Variants in KHDRBS2 observed in about 807,000 individuals in gnomAD.
The protein encoded by KHDRBS2 is KH RNA binding domain containing, signal transduction associated 2, also known as KH domain-containing, RNA-binding, signal transduction-associated protein 2.
KHDRBS2 carries 26 observed loss-of-function variants against 44.3 expected under a neutral mutation model. The observed-to-expected ratio is 0.59, with a 90% CI of 0.43 to 0.81. KHDRBS2 has a LOEUF of 0.81. KHDRBS2 is among the 40% of genes least tolerant of loss of function. The probability of loss-of-function intolerance (pLI) is 0.00; values close to 1 mark genes in which losing one functional copy is unlikely to be tolerated. For synonymous variants in KHDRBS2, 194 were observed against 151.1 expected, an observed-to-expected ratio of 1.28 and a Z score of -2.08; for missense variants, 476 against 433.1, an observed-to-expected ratio of 1.10 and a Z score of -0.88.
the KHDRBS2 span, among the ~76,000 whole-genome samples, chr6:61,559,930 TA>T: frequency 1.3e-5 from 2 of 152,196 alleles, no homozygotes; most frequent in African/African-American, 4.8e-5. Context: ...GATGATTTCT[TA>T]TTGCTCATTA....
At chr6:62,106,871 G>T (rs1803503235) in intron 2 of KHDRBS2, among the ~76,000 whole-genome samples, 1 of 151,738 alleles carries the variant, frequency 6.6e-6, no homozygotes, top group Non-Finnish European at 1.5e-5. Flanking sequence ...ATGCAGAAAA[G>T]GCCTTTGACA....
chr6:61,780,888 TTG>T (rs1319308707), intron 6 of KHDRBS2, among the ~76,000 whole-genome samples: 1 of 152,154 alleles, frequency 6.6e-6, no homozygotes, highest in Non-Finnish European at 1.5e-5. Flanking sequence ...TGAAACCAGT[TTG>T]TGTTTTCTCA....
chr6:62,115,827 T>A (rs765289303), intron 2 of KHDRBS2, among the ~76,000 whole-genome samples: 56 of 152,078 alleles, frequency 3.7e-4, no homozygotes, highest in South Asian at 2.7e-3. Context: ...TAAAGAGATA[T>A]GAGAAATCAT....
Position 61,739,204 on chromosome 6 carries a change from A to G in KHDRBS2, c.811-6440T>C, listed in dbSNP as rs112714678. ...TTTTATAATTGCATTGCCACAATAG[A>G]ATCCCAATAAATCACAGCACAGATA... On this transcript the variant is annotated intron_variant, in intron 6 of 8. Transcript: ENST00000281156. Among the ~76,000 whole-genome samples the G allele has an allele frequency of 1.4e-3, 208 of 152,010 alleles. 1 individual carries two copies. The highest frequency in any genetic ancestry group is 4.9e-3 in the African/African-American group (202 of 41,536).
chr6:61,809,441 A>C (rs1427430130), intron 6 of KHDRBS2, among the ~76,000 whole-genome samples: 1 of 152,140 alleles, frequency 6.6e-6, no homozygotes, highest in Non-Finnish European at 1.5e-5. Flanking sequence ...TACTGCACAC[A>C]AGCCTGAAAT....
chr6:61,935,598 C>G (rs374983351), intron 4 of KHDRBS2, among the ~76,000 whole-genome samples: 55 of 152,248 alleles, frequency 3.6e-4, no homozygotes, highest in African/African-American at 1.3e-3. Context: ...ATGCACATTA[C>G]TCTTCAAATG....
At chr6:62,015,348 C>A (rs906734959) in intron 3 of KHDRBS2, among the ~76,000 whole-genome samples, 3 of 152,076 alleles carry the variant, frequency 2.0e-5, no homozygotes, top group Non-Finnish European at 2.9e-5. Flanking sequence ...TAGAGCCCAG[C>A]CCAGAACCCA....
At chr6:62,155,994 A>C (rs1816293360) in intron 2 of KHDRBS2, among the ~76,000 whole-genome samples, 1 of 152,142 alleles carries the variant, frequency 6.6e-6, no homozygotes, top group South Asian at 2.1e-4. Flanking sequence ...GTTTGCAGCA[A>C]TTTCTCTGTC....
intron 2 of KHDRBS2, among the ~76,000 whole-genome samples, chr6:62,067,606 A>T (rs189118452): frequency 3.3e-5 from 5 of 151,722 alleles, no homozygotes; most frequent in Admixed American, 3.3e-4. Context: ...CCATAAAATT[A>T]GTTCATTAAA....
the KHDRBS2 span, among the ~76,000 whole-genome samples, chr6:61,605,367 C>T: frequency 6.6e-6 from 1 of 152,130 alleles, no homozygotes; most frequent in African/African-American, 2.4e-5. Flanking sequence ...TAGTACCATA[C>T]CATAGCTGAT....
chr6:61,713,851 A>G (rs1339328077), intron 7 of KHDRBS2, among the ~76,000 whole-genome samples: 1 of 151,764 alleles, frequency 6.6e-6, no homozygotes, highest in Non-Finnish European at 1.5e-5. Context: ...ACACAGAAGA[A>G]TGAAACTAGA....
the KHDRBS2 span, among the ~76,000 whole-genome samples, chr6:61,624,403 G>T: frequency 6.6e-6 from 1 of 152,166 alleles, no homozygotes; most frequent in East Asian, 1.9e-4. Flanking sequence ...AAGTACATTG[G>T]TGTTGTTCCT....
chr6:61,576,022 G>C, the KHDRBS2 span, among the ~76,000 whole-genome samples: 1 of 151,926 alleles, frequency 6.6e-6, no homozygotes, highest in Non-Finnish European at 1.5e-5. Context: ...TCAGGTGATG[G>C]GTGCACCAAA....
the KHDRBS2 span, among the ~76,000 whole-genome samples, chr6:61,578,695 C>A: frequency 1.1e-4 from 16 of 152,244 alleles, no homozygotes; most frequent in East Asian, 3.1e-3. Context: ...ATAAAGTTAT[C>A]TTTTTACAGA....
chr6:62,071,320 G>T (rs911215453), intron 2 of KHDRBS2, among the ~76,000 whole-genome samples: 2 of 152,064 alleles, frequency 1.3e-5, no homozygotes, highest in African/African-American at 2.4e-5. Context: ...AGTTTCTTTT[G>T]CTGTGCAGAA....
intron 4 of KHDRBS2, among the ~76,000 whole-genome samples, chr6:61,927,648 C>A (rs1368409637): frequency 6.6e-6 from 1 of 152,100 alleles, no homozygotes; most frequent in East Asian, 1.9e-4. Flanking sequence ...TGCTTGAACA[C>A]CCTAAAAATT....
intron 2 of KHDRBS2, among the ~76,000 whole-genome samples, chr6:62,175,394 A>G (rs1820885096): frequency 6.6e-6 from 1 of 151,654 alleles, no homozygotes; most frequent in Non-Finnish European, 1.5e-5. Flanking sequence ...CACACTTAAC[A>G]TGAAAAAGTA....
chr6:61,673,788 T>C, the KHDRBS2 span, among the ~76,000 whole-genome samples: 11 of 142,606 alleles, frequency 7.7e-5, no homozygotes, highest in South Asian at 2.4e-4. Flanking sequence ...TACAAACAAA[T>C]GGAAGAACAT....
intron 3 of KHDRBS2, among the ~76,000 whole-genome samples, chr6:62,033,170 G>A (rs978277306): frequency 6.6e-6 from 1 of 151,662 alleles, no homozygotes; most frequent in African/African-American, 2.4e-5. Flanking sequence ...CCCAAACAGA[G>A]GAGACAAAAG....
Sources: allele counts gnomAD v4.1 joint callset (sites outside exome capture counted in the v4.1 genomes callset), GRCh38; gene constraint gnomAD v4.1.1; transcripts MANE v1.5; gene names NCBI Gene and HGNC (gene_info 2026-07-23, HGNC 2026-07-21).